Variants in INPP4A observed in about 807,000 individuals in gnomAD.
INPP4A encodes inositol polyphosphate-4-phosphatase type I A.
In INPP4A, 33 loss-of-function variants were observed where a neutral mutation model predicts 119.8. That is an observed-to-expected ratio of 0.28 (90% CI 0.21 to 0.37). The LOEUF is 0.37. INPP4A is among the 10% of genes least tolerant of loss of function. The pLI, the probability that INPP4A is intolerant of heterozygous loss-of-function variation, is 1.00. For missense variants in INPP4A, 956 were observed against 1,289.9 expected (o/e 0.74, Z 3.97); for synonymous variants, 496 against 500.7 (o/e 0.99, Z 0.12).
chr2:98,503,176 G>C (rs1683443882), intron 1 of INPP4A, among the ~76,000 whole-genome samples: 1 of 152,180 alleles, frequency 6.6e-6, no homozygotes, highest in Non-Finnish European at 1.5e-5. Flanking sequence ...CTTGTGGGCA[G>C]GTTCCTCCCT....
At position 98,554,310 on chromosome 2, in the gene INPP4A, G is replaced by T; in HGVS notation, c.1387G>T (p.Ala463Ser). 6.2e-7 allele frequency: 1 copy of T among 1,611,570 alleles called. No homozygotes were observed. The highest frequency in any genetic ancestry group is 8.5e-7 in the Non-Finnish European group (1 of 1,179,054). ...LVTVCDCKLL[A>S]NSIHGLNAAR... ...CACGGTCTGCGACTGCAAGCTCCTG[G>T]CCAACTCCATCCATGGGCTGAACGC... The change falls in exon 15 of 25, where the codon GCC (alanine) becomes TCC (serine). Residue 463 changes from alanine (A) to serine (S), a missense_variant. This residue lies in a region of INPP4A where 652 missense variants were observed against 797.9 expected (regional missense o/e 0.82). Transcript: ENST00000409851. This position sits in a 1 kb window ranked among gnomAD's most constrained non-coding sequence, Gnocchi z 4.7.
chr2:98,493,149 G>A (rs1031044002), intron 1 of INPP4A, among the ~76,000 whole-genome samples: 1 of 152,174 alleles, frequency 6.6e-6, no homozygotes, highest in Non-Finnish European at 1.5e-5. Context: ...GGACTTCCAA[G>A]AACATGTTGG....
At chr2:98,584,139 TC>T (rs1314647830) in intron 24 of INPP4A, among the ~76,000 whole-genome samples, 1 of 152,230 alleles carries the variant, frequency 6.6e-6, no homozygotes, top group Non-Finnish European at 1.5e-5. Context: ...CTGGGCAGTG[TC>T]CTGTCCAGCC....
chr2:98,485,828 G>T (rs150444622), intron 1 of INPP4A, among the ~76,000 whole-genome samples: 1 of 152,148 alleles, frequency 6.6e-6, no homozygotes, highest in Admixed American at 6.5e-5. Flanking sequence ...TTGAAATATC[G>T]TGTCTAAAGT....
intron 1 of INPP4A, among the ~76,000 whole-genome samples, chr2:98,466,679 G>A (rs1674856868): frequency 6.6e-6 from 1 of 152,198 alleles, no homozygotes; most frequent in Non-Finnish European, 1.5e-5. Context: ...GGCCTTGGAG[G>A]GGATAGACCC....
intron 24 of INPP4A, chr2:98,581,946 C>T: frequency 1.0e-6 from 1 of 970,038 alleles, no homozygotes; most frequent in South Asian, 1.9e-5. Flanking sequence ...ACCAAGAAGA[C>T]TTGTTTGTTT....
At chr2:98,484,978 G>A (rs894268174) in intron 1 of INPP4A, among the ~76,000 whole-genome samples, 5 of 152,002 alleles carry the variant, frequency 3.3e-5, no homozygotes, top group African/African-American at 9.7e-5. Flanking sequence ...AGATCCCACC[G>A]AGAGTAGTGG....
At chr2:98,529,426 CTGAA>C (rs1403401287) in intron 4 of INPP4A, among the ~76,000 whole-genome samples, 1 of 152,076 alleles carries the variant, frequency 6.6e-6, no homozygotes, top group Non-Finnish European at 1.5e-5. Context: ...TTGCACAACT[CTGAA>C]TGTCTTTAAA....
intron 4 of INPP4A, among the ~76,000 whole-genome samples, chr2:98,526,789 C>T (rs759384564): frequency 7.2e-5 from 11 of 152,148 alleles, no homozygotes; most frequent in Non-Finnish European, 1.3e-4. Flanking sequence ...CTGGTGAGCC[C>T]TCAGGGAGGT....
intron 1 of INPP4A, among the ~76,000 whole-genome samples, chr2:98,508,539 C>T (rs575502042): frequency 7.9e-5 from 12 of 152,296 alleles, no homozygotes; most frequent in African/African-American, 2.6e-4. Flanking sequence ...CTTCAGTTCC[C>T]GGCCCTCTTG....
At chr2:98,562,237 A>T (rs898226386) in intron 17 of INPP4A, among the ~76,000 whole-genome samples, 7 of 152,264 alleles carry the variant, frequency 4.6e-5, no homozygotes, top group African/African-American at 1.7e-4. Flanking sequence ...CTGCATGTAC[A>T]ATTAGGCCAC....
At position 98,589,079 on chromosome 2, in the gene INPP4A, A is replaced by G. The variant is rs1450427013; in HGVS notation, c.*1471A>G. ...TGACCTTCCAGACCCCCTCCTACTC[A>G]GAAGTCAGCATGCAAGCAGCGCCTG... is the stretch of plus-strand genomic sequence containing the variant. On this transcript the variant is annotated 3_prime_UTR_variant, in exon 25 of 25. Transcript: ENST00000409851. 1.7e-5 allele frequency: 3 copies of G among 180,716 alleles called. No homozygotes were observed. Among genetic ancestry groups the G allele is most frequent in the Non-Finnish European group, 3.5e-5 (3 of 84,582 alleles). The allele number at this position is 180,716 out of a possible 1,614,324, so 11.2% of individuals were successfully genotyped here. A position where few individuals can be genotyped will look rare whatever the true frequency, so the allele number is the denominator to read the frequency against.
intron 21 of INPP4A, among the ~76,000 whole-genome samples, 191 bp from the exon 22 acceptor site, chr2:98,568,380 T>C (rs145132772): frequency 8.7e-4 from 132 of 152,340 alleles, no homozygotes; most frequent in African/African-American, 3.0e-3. Context: ...TTCCTGCCAA[T>C]GGAATGCATT....
At chr2:98,506,277 C>A (rs1363704542) in intron 1 of INPP4A, among the ~76,000 whole-genome samples, 2 of 152,254 alleles carry the variant, frequency 1.3e-5, no homozygotes, top group Non-Finnish European at 2.9e-5. Context: ...TCTGCACTCT[C>A]TTCTGCATAT....
At chr2:98,524,828 A>G (rs1687887232) in intron 4 of INPP4A, among the ~76,000 whole-genome samples, 1 of 152,244 alleles carries the variant, frequency 6.6e-6, no homozygotes, top group African/African-American at 2.4e-5. Context: ...GAAAAATAGG[A>G]GAACTTTCAA....
At chr2:98,462,244 C>A (rs553288576) in intron 1 of INPP4A, among the ~76,000 whole-genome samples, 19 of 152,086 alleles carry the variant, frequency 1.2e-4, no homozygotes, top group Non-Finnish European at 2.5e-4. Flanking sequence ...GTCAGGACAT[C>A]GAGACCATCC....
chr2:98,458,463 G>C (rs376485535), intron 1 of INPP4A, among the ~76,000 whole-genome samples: 68 of 152,314 alleles, frequency 4.5e-4, no homozygotes, highest in African/African-American at 1.5e-3. Context: ...ATTGCTGCCT[G>C]TGATGCCTGA....
At chr2:98,508,665 C>T (rs1020841745) in intron 1 of INPP4A, among the ~76,000 whole-genome samples, 35 of 152,274 alleles carry the variant, frequency 2.3e-4, no homozygotes, top group African/African-American at 7.9e-4. Flanking sequence ...GGACAACAGA[C>T]GGGCAAACTT....
intron 17 of INPP4A, among the ~76,000 whole-genome samples, chr2:98,560,274 A>G (rs1695226865): frequency 1.3e-5 from 2 of 152,202 alleles, no homozygotes; most frequent in African/African-American, 2.4e-5. Flanking sequence ...TTGCTTGCAT[A>G]TTTCTGACTG....
Sources: gnomAD v4.1 joint callset for allele counts (sites outside exome capture counted in the v4.1 genomes callset) on GRCh38, gnomAD v4.1.1 for gene constraint, gnomAD v4.1.1 regional missense constraint, Gnocchi (gnomAD v3.1) non-coding constraint, MANE v1.5 for transcripts, NCBI Gene and HGNC (gene_info 2026-07-23, HGNC 2026-07-21) for gene names.